The following ESRP1 variants were observed in gnomAD, a reference collection of about 807,000 sequenced individuals.
ESRP1 encodes the protein RNA-binding motif protein 35A.
A neutral mutation model predicts 81.7 loss-of-function variants in ESRP1; 33 were observed. The ratio of observed to expected loss-of-function variants is 0.40; its 90% CI spans 0.31 to 0.54. The LOEUF (loss-of-function observed/expected upper bound fraction) is 0.54. ESRP1 is among the 20% of genes least tolerant of loss of function. The pLI is 0.41. For synonymous variants in ESRP1, 320 were observed against 303.3 expected (o/e 1.06, Z -0.57); for missense variants, 672 against 833.1 (o/e 0.81, Z 2.38).
At position 94,656,474 on chromosome 8, in the gene ESRP1, G is replaced by C. The variant is rs1306964944; in HGVS notation, c.491-5798G>C. On this transcript the variant is annotated intron_variant, in intron 4 of 15. Transcript: ENST00000433389. ...CTGACCTTGTGATCCGCCCACCTTGGCCTCTCAAAGTGCTGAGATTACAGG... is the reference window on the plus strand; with the variant it reads ...CTGACCTTGTGATCCGCCCACCTTGCCCTCTCAAAGTGCTGAGATTACAGG... Among the ~76,000 whole-genome samples the C allele has an allele frequency of 2.0e-5, 3 of 152,068 alleles. No homozygotes were observed. In the East Asian group the frequency reaches 5.8e-4, roughly 29 times the overall value.
chr8:94,699,203 A>G (rs1188604505), intron 15 of ESRP1, among the ~76,000 whole-genome samples: 2 of 152,166 alleles, frequency 1.3e-5, no homozygotes, highest in Non-Finnish European at 1.5e-5. Context: ...ACCATTACTC[A>G]CCACCTCTAG....
chr8:94,671,788 GATAA>G lies in ESRP1; in HGVS notation c.1452+123_1452+126del, dbSNP rs748256841. ...TATCTAATATTAGATATTAGTCTTT[GATAA>G]ATAAAATTAGTCTGAGATAAATTTA... On this transcript the variant is annotated intron_variant, in intron 11 of 15. Coordinates refer to ENST00000433389, the MANE Select transcript of ESRP1 (RefSeq NM_017697.4). 281 of 631,084 alleles carry G rather than the reference GATAA, an allele frequency of 4.5e-4. 1 individual carries two copies. Among genetic ancestry groups the G allele is most frequent in the Non-Finnish European group, 5.9e-4 (240 of 407,404 alleles). The allele number at this position is 631,084 out of a possible 1,614,324, so 39.1% of individuals were successfully genotyped here.
At chr8:94,684,330 CT>C (rs1809051925) in intron 13 of ESRP1, among the ~76,000 whole-genome samples, 1 of 152,158 alleles carries the variant, frequency 6.6e-6, no homozygotes, top group South Asian at 2.1e-4. Context: ...CCTGTATGGA[CT>C]TTTAGGAGCA....
At chr8:94,686,978 A>G (rs930193112) in intron 13 of ESRP1, among the ~76,000 whole-genome samples, 2 of 152,186 alleles carry the variant, frequency 1.3e-5, no homozygotes, top group African/African-American at 4.8e-5. Flanking sequence ...AAATTTACCT[A>G]TTTTAGGTGT....
intron 9 of ESRP1, 46 bp from the exon 10 acceptor site, chr8:94,667,903 G>A (rs370509510): frequency 6.5e-5 from 97 of 1,481,628 alleles, no homozygotes; most frequent in Admixed American, 1.3e-4. Context: ...TAAAGTTGAT[G>A]TCTTAACTAT....
At chr8:94,674,197 C>T in intron 11 of ESRP1, 111 bp from the exon 12 acceptor site, 1 of 1,231,214 alleles carries the variant, frequency 8.1e-7, no homozygotes, top group East Asian at 2.4e-5. Context: ...GATTTTGTGG[C>T]TAAAATATCT....
At chr8:94,679,456 CT>C (rs1365533472) in intron 13 of ESRP1, among the ~76,000 whole-genome samples, 1 of 152,196 alleles carries the variant, frequency 6.6e-6, no homozygotes, top group African/African-American at 2.4e-5. Flanking sequence ...TCCTTGGTGT[CT>C]CTGAATGTCT....
chr8:94,652,997 C>T (rs867709899), intron 4 of ESRP1, among the ~76,000 whole-genome samples: 5 of 152,134 alleles, frequency 3.3e-5, no homozygotes, highest in African/African-American at 1.2e-4. Context: ...AGTTAATATC[C>T]TGTGTTTCCT....
rs1267811386 is a variant in ESRP1, at chr8:94,664,914, A to G, written c.756-13A>G. On this transcript the variant is annotated splice_polypyrimidine_tract_variant and intron_variant, in intron 7 of 15. Transcript: ENST00000433389. ...TTTTTTTCTACCTGCTGTCTGTTTT[A>G]TTATTCTCAAAGGGGAGGTGCAGCA... 2 of 1,607,650 alleles carry G rather than the reference A, an allele frequency of 1.2e-6. No individual in the cohort carries two copies. The highest frequency in any genetic ancestry group is 1.4e-5 in the African/African-American group (1 of 73,358).
In ESRP1 at chr8:94,662,262, A is replaced by T; in HGVS notation, c.491-10A>T. The stretch of plus-strand genomic sequence containing the variant: ...CCTTTCCAAAGTGTTTCCTTAATTT[A>T]ATCTCACAGATTTAAATTTTGAGAA... On this transcript the variant is annotated splice_polypyrimidine_tract_variant and intron_variant, in intron 4 of 15. Coordinates refer to ENST00000433389, the MANE Select transcript of ESRP1 (RefSeq NM_017697.4). The T allele has an allele frequency of 6.6e-7, 1 of 1,521,652 alleles. No individual in the cohort carries two copies. Among genetic ancestry groups the T allele is most frequent in the Non-Finnish European group, 8.9e-7 (1 of 1,119,690 alleles). The allele number at this position is 1,521,652 out of a possible 1,614,324, so 94.3% of individuals were successfully genotyped here. A position where few individuals can be genotyped will look rare whatever the true frequency, so the allele number is the denominator to read the frequency against.
At chr8:94,649,197 G>A (rs893290557) in intron 4 of ESRP1, among the ~76,000 whole-genome samples, 1 of 152,212 alleles carries the variant, frequency 6.6e-6, no homozygotes, top group Non-Finnish European at 1.5e-5. Flanking sequence ...AGGTGACAGA[G>A]TGAGATTTAA....
chr8:94,701,656 G>T (rs1386646829), intron 15 of ESRP1, among the ~76,000 whole-genome samples: 1 of 150,822 alleles, frequency 6.6e-6, no homozygotes, highest in Non-Finnish European at 1.5e-5. Flanking sequence ...TGTTGCCCCA[G>T]TCTGGTCTTG....
chr8:94,673,077 T>C (rs1819412684), intron 11 of ESRP1, among the ~76,000 whole-genome samples: 1 of 152,252 alleles, frequency 6.6e-6, no homozygotes, highest in African/African-American at 2.4e-5. Flanking sequence ...ACCAGTTTTC[T>C]GCATCAGCAC....
chr8:94,665,254 C>CT (rs1243342830), intron 9 of ESRP1, 58 bp downstream of exon 9: 1 of 1,547,328 alleles, frequency 6.5e-7, no homozygotes, highest in Non-Finnish European at 8.8e-7. Flanking sequence ...ATTTTGCATA[C>CT]TTAAATTTAG....
intron 4 of ESRP1, among the ~76,000 whole-genome samples, chr8:94,658,781 A>G (rs1818567045): frequency 6.6e-6 from 1 of 152,194 alleles, no homozygotes; most frequent in Non-Finnish European, 1.5e-5. Flanking sequence ...TCACAGGTCA[A>G]TAACCGTTTG....
chr8:94,670,965 C>T (rs546708667), intron 10 of ESRP1, among the ~76,000 whole-genome samples: 1 of 152,230 alleles, frequency 6.6e-6, no homozygotes, highest in East Asian at 1.9e-4. Flanking sequence ...TTTACTGGGT[C>T]ATTCTCTATT....
chr8:94,686,971 T>G (rs1809165969), intron 13 of ESRP1, among the ~76,000 whole-genome samples: 1 of 152,196 alleles, frequency 6.6e-6, no homozygotes, highest in Non-Finnish European at 1.5e-5. Context: ...TTTGATAAAA[T>G]TTACCTATTT....
chr8:94,669,155 A>G (rs1272922159), intron 10 of ESRP1, among the ~76,000 whole-genome samples: 2 of 152,050 alleles, frequency 1.3e-5, no homozygotes, highest in Non-Finnish European at 2.9e-5. Context: ...TAGGCATTAA[A>G]CCATTTATAG....
At chr8:94,641,650 A>G in intron 1 of ESRP1, 200 bp downstream of exon 1, 1 of 779,724 alleles carries the variant, frequency 1.3e-6, no homozygotes, top group East Asian at 2.8e-5. Context: ...GTCCTCCGCA[A>G]CTTAGCTCAG....
Sources: allele counts gnomAD v4.1 joint callset (sites outside exome capture counted in the v4.1 genomes callset), GRCh38; gene constraint gnomAD v4.1.1; transcripts MANE v1.5; gene names NCBI Gene and HGNC (gene_info 2026-07-23, HGNC 2026-07-21).